The following MYO3A variants were observed in gnomAD, a reference collection of about 807,000 sequenced individuals.
MYO3A encodes the protein myosin IIIA.
MYO3A carries 180 observed loss-of-function variants against 192.7 expected under a neutral mutation model. The ratio of observed to expected loss-of-function variants is 0.93; its 90% CI spans 0.83 to 1.06. The LOEUF (loss-of-function observed/expected upper bound fraction) is 1.06. Ranked by LOEUF, MYO3A falls within the 50% of genes least tolerant of loss-of-function variation. The pLI is 0.00. For synonymous variants in MYO3A, 628 were observed against 645.3 expected, an observed-to-expected ratio of 0.97 and a Z score of 0.41; for missense variants, 1,896 against 1,905.0, an observed-to-expected ratio of 1.00 and a Z score of 0.09.
intron 6 of MYO3A, among the ~76,000 whole-genome samples, chr10:26,002,364 AC>A (rs1187420994): frequency 6.6e-6 from 1 of 152,174 alleles, no homozygotes; most frequent in Non-Finnish European, 1.5e-5. Flanking sequence ...AGAAGGATGC[AC>A]CCCTAGAGAT....
rs1207035953 is a variant in MYO3A at position 26,174,120 on chromosome 10, G to A, written c.3856G>A (p.Glu1286Lys). The change falls in exon 30 of 35, where the codon GAA (glutamate) becomes AAA (lysine). Residue 1286 changes from glutamate (E) to lysine (K), a missense_variant. Glu to Lys is a moderately conservative substitution (Grantham distance 56). Transcript: ENST00000642920. ...ENETSFKKTL[E>K]PTLSQRSIYQ... ...TGAGACTTCCTTTAAAAAAACTTTGGAACCTACACTTAGCCAAAGGTCAAT... is the reference window on the plus strand; with the variant it reads ...TGAGACTTCCTTTAAAAAAACTTTGAAACCTACACTTAGCCAAAGGTCAAT... 1 of 1,614,092 alleles carries A rather than the reference G, an allele frequency of 6.2e-7. No homozygotes were observed. The highest frequency in any genetic ancestry group is 1.3e-5 in the African/African-American group (1 of 75,008).
intron 9 of MYO3A, 38 bp from the exon 10 acceptor site, chr10:26,026,339 C>G (rs1263237671): frequency 1.2e-6 from 2 of 1,610,110 alleles, no homozygotes; most frequent in Non-Finnish European, 1.7e-6. Flanking sequence ...AAAACTCTAA[C>G]TTATCTAATA....
chr10:25,935,803 T>A lies in MYO3A; in HGVS notation c.-45T>A, dbSNP rs1450199576. On this transcript the variant is annotated 5_prime_UTR_variant, in exon 2 of 35. Transcript: ENST00000642920. ...CAAAGTTTTGGCGTCTGAGCATTGTTATGCGTTATTTTCAAGCTTTGCTAA... is the reference window on the plus strand; with the variant it reads ...CAAAGTTTTGGCGTCTGAGCATTGTAATGCGTTATTTTCAAGCTTTGCTAA... 4 of 152,232 alleles carry A rather than the reference T, an allele frequency of 2.6e-5. No homozygotes were observed. Among genetic ancestry groups the A allele is most frequent in the African/African-American group, 9.7e-5 (4 of 41,444 alleles). The allele number at this position is 152,232 out of a possible 1,614,324, so 9.4% of individuals were successfully genotyped here. A position where few individuals can be genotyped will look rare whatever the true frequency, so the allele number is the denominator to read the frequency against.
At chr10:26,187,878 G>A (rs1401331086) in intron 31 of MYO3A, among the ~76,000 whole-genome samples, 1 of 151,320 alleles carries the variant, frequency 6.6e-6, no homozygotes, top group Non-Finnish European at 1.5e-5. Flanking sequence ...CATTTTCTTA[G>A]TCCAGTCTAT....
chr10:26,194,391 A>G (rs1396994260), intron 32 of MYO3A, among the ~76,000 whole-genome samples: 1 of 152,008 alleles, frequency 6.6e-6, no homozygotes, highest in Non-Finnish European at 1.5e-5. Context: ...GCCATAGTGA[A>G]CTGCTTGAAA....
intron 14 of MYO3A, among the ~76,000 whole-genome samples, chr10:26,076,755 T>G (rs763213275): frequency 1.5e-4 from 23 of 152,098 alleles, no homozygotes; most frequent in Non-Finnish European, 2.8e-4. Flanking sequence ...AAAGGGTGTC[T>G]TTTCCAGATT....
chr10:26,191,699 T>C (rs1362181895), intron 31 of MYO3A, among the ~76,000 whole-genome samples: 1 of 152,236 alleles, frequency 6.6e-6, no homozygotes, highest in Non-Finnish European at 1.5e-5. Flanking sequence ...CTGTGATCAG[T>C]GTCTTTACTT....
At chr10:26,131,700 A>T (rs1367956453) in intron 20 of MYO3A, among the ~76,000 whole-genome samples, 1 of 152,064 alleles carries the variant, frequency 6.6e-6, no homozygotes, top group Non-Finnish European at 1.5e-5. Context: ...ATTTTCCTGG[A>T]GTTTGATATT....
At chr10:26,098,716 G>A (rs1042478480) in intron 17 of MYO3A, among the ~76,000 whole-genome samples, 3 of 152,136 alleles carry the variant, frequency 2.0e-5, no homozygotes, top group Non-Finnish European at 4.4e-5. Flanking sequence ...AAGATCAGAT[G>A]GTTGTAGATG....
intron 14 of MYO3A, among the ~76,000 whole-genome samples, chr10:26,070,823 A>T (rs1390614987): frequency 6.8e-6 from 1 of 147,110 alleles, no homozygotes; most frequent in Non-Finnish European, 1.5e-5. Context: ...AAATCAAAAA[A>T]ACATGAACTA....
At chr10:25,958,510 G>T (rs1408154112) in intron 4 of MYO3A, among the ~76,000 whole-genome samples, 1 of 152,172 alleles carries the variant, frequency 6.6e-6, no homozygotes, top group East Asian at 1.9e-4. Flanking sequence ...AGTATAGTTT[G>T]AAGTTGGGTA....
At chr10:26,144,840 CTACT>C (rs763957043) in intron 21 of MYO3A, among the ~76,000 whole-genome samples, 4 of 152,074 alleles carry the variant, frequency 2.6e-5, no homozygotes, top group Non-Finnish European at 5.9e-5. Context: ...CACCCCAAAC[CTACT>C]GAGTCAGAAA....
chr10:26,182,034 T>A (rs1842637555), intron 31 of MYO3A, among the ~76,000 whole-genome samples: 1 of 152,214 alleles, frequency 6.6e-6, no homozygotes. Flanking sequence ...TATTGCAGAA[T>A]TGGAATTGTA....
At chr10:26,182,937 A>T (rs112620530) in intron 31 of MYO3A, among the ~76,000 whole-genome samples, 3 of 148,956 alleles carry the variant, frequency 2.0e-5, no homozygotes, top group Admixed American at 6.7e-5. Context: ...ATGACTGCTC[A>T]CATATAAGCG....
intron 26 of MYO3A, among the ~76,000 whole-genome samples, chr10:26,164,701 G>A (rs116183214): frequency 1.2e-4 from 18 of 152,278 alleles, no homozygotes; most frequent in African/African-American, 4.1e-4. Context: ...TCTGAAGCCC[G>A]GCACGAGGAT....
chr10:25,983,103 A>G (rs1043548528), intron 4 of MYO3A, among the ~76,000 whole-genome samples: 2 of 152,112 alleles, frequency 1.3e-5, no homozygotes, highest in Non-Finnish European at 2.9e-5. Context: ...TAGCATAAAT[A>G]AAAAACAATC....
rs757039876 is a variant in MYO3A, at chr10:26,153,975, C to T, written c.2715+46C>T. On this transcript the variant is annotated intron_variant, in intron 24 of 34. Coordinates refer to ENST00000642920, the MANE Select transcript of MYO3A (RefSeq NM_017433.5). ...TTGGCAGTGAGTCTAAGAATCTAAC[C>T]GGTATGATGGCAATATTTGTATGCT... 1.4e-5 allele frequency: 19 copies of T among 1,318,294 alleles called. No homozygotes were observed. The African/African-American group carries it at 1.5e-4, about 10-fold the overall frequency. 81.7% of individuals were successfully genotyped at this position (1,318,294 alleles called of 1,614,324 possible). A position where few individuals can be genotyped will look rare whatever the true frequency, so the allele number is the denominator to read the frequency against.
rs573845759 is a variant in MYO3A at position 26,110,027 on chromosome 10, T to C, written c.1777-10649T>C. On this transcript the variant is annotated intron_variant, in intron 17 of 34. Transcript: ENST00000642920. ...AATTATAAGGACAACAAGAAAGTTGTACTCTAGACTCAATGGCAAGCCAAG... is the reference window on the plus strand; with the variant it reads ...AATTATAAGGACAACAAGAAAGTTGCACTCTAGACTCAATGGCAAGCCAAG... 2.0e-5 allele frequency among the ~76,000 whole-genome samples: 3 copies of C among 152,290 alleles called. No homozygotes were observed. The South Asian group carries it at 6.2e-4, about 32-fold the overall frequency.
chr10:26,091,545 TC>T (rs1836701994), intron 15 of MYO3A, among the ~76,000 whole-genome samples: 5 of 152,298 alleles, frequency 3.3e-5, no homozygotes, highest in Admixed American at 3.3e-4. Flanking sequence ...TTCTCTGATG[TC>T]CCCAGCACTT....
Sources: allele counts gnomAD v4.1 joint callset (sites outside exome capture counted in the v4.1 genomes callset), GRCh38; gene constraint gnomAD v4.1.1; transcripts MANE v1.5; gene names NCBI Gene and HGNC (gene_info 2026-07-23, HGNC 2026-07-21).